PTPRG: variants seen among roughly 807,000 people sequenced by gnomAD.
PTPRG encodes the protein receptor-type tyrosine-protein phosphatase gamma.
A neutral mutation model predicts 165.3 loss-of-function variants in PTPRG; 102 were observed. That is an observed-to-expected ratio of 0.62 (90% confidence interval 0.53 to 0.73). The LOEUF is 0.73. Among genes scored for constraint, PTPRG ranks in the 30% least tolerant of loss-of-function variants. The pLI is 0.00. For missense variants in PTPRG, 1,866 were observed against 1,861.4 expected, an observed-to-expected ratio of 1.00 and a Z score of -0.05; for synonymous variants, 675 against 669.5, an observed-to-expected ratio of 1.01 and a Z score of -0.13.
At chr3:61,617,557 T>C (rs1237192840) in intron 1 of PTPRG, among the ~76,000 whole-genome samples, 2 of 152,198 alleles carry the variant, frequency 1.3e-5, no homozygotes, top group African/African-American at 4.8e-5. Flanking sequence ...ATTAGCTATA[T>C]AAAACCAATT....
chr3:61,792,311 C>G (rs2034899059), intron 2 of PTPRG, among the ~76,000 whole-genome samples: 1 of 152,068 alleles, frequency 6.6e-6, no homozygotes, highest in South Asian at 2.1e-4. Flanking sequence ...AGTGATCCTC[C>G]CACCTCAGCT....
At chr3:62,080,276 A>C (rs1701526221) in intron 5 of PTPRG, among the ~76,000 whole-genome samples, 1 of 149,198 alleles carries the variant, frequency 6.7e-6, no homozygotes, top group African/African-American at 2.5e-5. Context: ...GGGTTTCTCC[A>C]TGTTGGTCAG....
intron 2 of PTPRG, among the ~76,000 whole-genome samples, chr3:61,758,165 TG>T (rs33952154): frequency 0.38 from 58,203 of 151,916 alleles, 11,393 homozygotes; most frequent in Non-Finnish European, 0.43. Flanking sequence ...GGCTAATTTT[TG>T]TAGAGTTGAG....
chr3:62,272,496 CTG>C (rs1702098257), intron 21 of PTPRG, among the ~76,000 whole-genome samples: 1 of 152,014 alleles, frequency 6.6e-6, no homozygotes. Flanking sequence ...GTCGCTTGTT[CTG>C]TGATTTATGT....
intron 4 of PTPRG, among the ~76,000 whole-genome samples, chr3:62,003,800 A>G (rs904305215): frequency 6.6e-6 from 1 of 152,162 alleles, no homozygotes; most frequent in Non-Finnish European, 1.5e-5. Flanking sequence ...CCCATTTTTG[A>G]AAGGTGACAT....
chr3:61,822,398 C>A (rs748798286), intron 2 of PTPRG, among the ~76,000 whole-genome samples: 14 of 152,148 alleles, frequency 9.2e-5, no homozygotes, highest in Non-Finnish European at 1.8e-4. Context: ...TTAACTATTT[C>A]TTTAATGAGG....
At chr3:61,783,393 A>G (rs1513285) in intron 2 of PTPRG, among the ~76,000 whole-genome samples, 105,582 of 152,084 alleles carry the variant, frequency 0.69, 38,899 homozygotes, top group Non-Finnish European at 0.83. Flanking sequence ...ATTCCTAGGA[A>G]CTAAAATACT....
intron 2 of PTPRG, among the ~76,000 whole-genome samples, chr3:61,907,422 A>T (rs963253529): frequency 6.6e-6 from 1 of 152,200 alleles, no homozygotes; most frequent in African/African-American, 2.4e-5. Context: ...GATTCTTCTC[A>T]GCATTGCTCT....
intron 14 of PTPRG, among the ~76,000 whole-genome samples, chr3:62,236,895 C>CCCCA (rs1701045738): frequency 1.3e-5 from 2 of 152,132 alleles, no homozygotes; most frequent in Non-Finnish European, 2.9e-5. Flanking sequence ...AGTGGGTGTA[C>CCCCA]GTGTTGACCC....
At chr3:62,285,051 A>C (rs555659224) in intron 28 of PTPRG, among the ~76,000 whole-genome samples, 1 of 152,190 alleles carries the variant, frequency 6.6e-6, no homozygotes, top group Non-Finnish European at 1.5e-5. Context: ...CATACCAGAT[A>C]AATGTCATTC....
At chr3:61,824,834 A>G (rs2036061219) in intron 2 of PTPRG, among the ~76,000 whole-genome samples, 1 of 152,256 alleles carries the variant, frequency 6.6e-6, no homozygotes, top group African/African-American at 2.4e-5. Context: ...ATTTTGTATG[A>G]CATAAACTCT....
At position 62,127,848 on chromosome 3, in the gene PTPRG, G is replaced by A. The variant is rs116332943; in HGVS notation, c.616-4754G>A. On this transcript the variant is annotated intron_variant, in intron 5 of 29. Coordinates refer to ENST00000474889, the MANE Select transcript of PTPRG (RefSeq NM_002841.4). ...TTCCTTTTCATTTTACTTCAAGCAA[G>A]AGTAAACACAGGCCCTCCTGTAGAG... Among the ~76,000 whole-genome samples the A allele has an allele frequency of 3.7e-3, 565 of 152,318 alleles. 3 individuals are homozygous for A. The highest frequency in any genetic ancestry group is 0.012 in the African/African-American group (487 of 41,568).
At chr3:61,784,346 C>T (rs2034632638) in intron 2 of PTPRG, among the ~76,000 whole-genome samples, 1 of 152,124 alleles carries the variant, frequency 6.6e-6, no homozygotes, top group Admixed American at 6.6e-5. Context: ...ATTTTCCCTT[C>T]CTTCATTTTT....
In PTPRG at chr3:62,132,758, G is replaced by A. The variant is rs552552724; in HGVS notation, c.682+90G>A. The A allele has an allele frequency of 7.4e-5, 85 of 1,153,274 alleles. No homozygotes were observed. The East Asian group carries it at 1.8e-3, about 24-fold the overall frequency. 71.4% of individuals were successfully genotyped at this position (1,153,274 alleles called of 1,614,324 possible). Reference sequence around the variant, plus strand: ...ATCAGGTTATCTTGCAGAGGACAGAGGGTGACACCTATTCCTCATCCCCTG... The same window carrying A: ...ATCAGGTTATCTTGCAGAGGACAGAAGGTGACACCTATTCCTCATCCCCTG... On this transcript the variant is annotated intron_variant, in intron 6 of 29. Coordinates refer to ENST00000474889, the MANE Select transcript of PTPRG (RefSeq NM_002841.4).
chr3:61,976,712 T>G (rs1012560062), intron 2 of PTPRG, among the ~76,000 whole-genome samples: 1 of 152,064 alleles, frequency 6.6e-6, no homozygotes, highest in South Asian at 2.1e-4. Flanking sequence ...TCTCGGTGTC[T>G]TGCCCAGGCT....
chr3:61,967,772 G>C (rs752381349), intron 2 of PTPRG, among the ~76,000 whole-genome samples: 3 of 152,142 alleles, frequency 2.0e-5, no homozygotes, highest in Admixed American at 6.6e-5. Flanking sequence ...TATTGTTGCA[G>C]TAAAACATTT....
intron 12 of PTPRG, among the ~76,000 whole-genome samples, chr3:62,204,340 G>T (rs62243878): frequency 0.055 from 8,322 of 152,212 alleles, 306 homozygotes; most frequent in Non-Finnish European, 0.081. Flanking sequence ...ACTGGGCAGG[G>T]TGCTGTCCCA....
At chr3:61,834,602 C>T (rs2036406330) in intron 2 of PTPRG, among the ~76,000 whole-genome samples, 1 of 152,134 alleles carries the variant, frequency 6.6e-6, no homozygotes, top group South Asian at 2.1e-4. Context: ...ATCAGGAGGT[C>T]AGGAGATCGA....
Position 62,273,598 on chromosome 3 carries a change from A to G in PTPRG, c.3319-100A>G, listed in dbSNP as rs78181070. The G allele has an allele frequency of 1.3e-3, 1,533 of 1,157,242 alleles. 13 individuals are homozygous for G. The African/African-American group carries it at 0.021, about 16-fold the overall frequency. 71.7% of individuals were successfully genotyped at this position (1,157,242 alleles called of 1,614,324 possible). ...TAAGTGCTTGAAGGAAATCACTGGG[A>G]GGTCCCTGTTAGCAGCAGAATTAAA... On this transcript the variant is annotated intron_variant, in intron 22 of 29. Transcript: ENST00000474889. This position sits in a 1 kb window ranked among gnomAD's most constrained non-coding sequence, Gnocchi z 4.1.
Sources: gnomAD v4.1 joint callset for allele counts (sites outside exome capture counted in the v4.1 genomes callset) on GRCh38, gnomAD v4.1.1 for gene constraint, Gnocchi (gnomAD v3.1) non-coding constraint, MANE v1.5 for transcripts, NCBI Gene and HGNC (gene_info 2026-07-23, HGNC 2026-07-21) for gene names.